RNF17: variants seen among roughly 807,000 people sequenced by gnomAD.
RNF17 encodes the protein ring finger protein 17.
RNF17 carries 31 observed loss-of-function variants against 200.5 expected under a neutral mutation model. That is an observed-to-expected ratio of 0.15 (90% confidence interval 0.12 to 0.21). RNF17 has a LOEUF of 0.21. Ranked by LOEUF, RNF17 falls within the 10% of genes least tolerant of loss-of-function variation. The pLI is 1.00. For synonymous variants in RNF17, 606 were observed against 637.8 expected, an observed-to-expected ratio of 0.95 and a Z score of 0.75; for missense variants, 1,628 against 1,905.1, an observed-to-expected ratio of 0.85 and a Z score of 2.71.
At position 24,793,214 on chromosome 13, in the gene RNF17, C is replaced by G. The variant is rs984844927; in HGVS notation, c.1108C>G (p.His370Asp). Residue 370 changes from histidine to aspartate, a missense_variant, in exon 10 of 36, where the codon CAT (histidine) becomes GAT (aspartate). This residue lies in a region of RNF17 where 502 missense variants were observed against 501.7 expected (regional missense o/e 1.00). Coordinates refer to ENST00000255324, the MANE Select transcript of RNF17 (RefSeq NM_031277.3). ...PPLQPETNDV[H>D]LEAKNFQPQK... The stretch of plus-strand genomic sequence containing the variant: ...TTTGCAACCTGAGACAAATGATGTA[C>G]ATTTAGAAGCAAAAAACTTCCAGCC... 7.4e-6 allele frequency: 12 copies of G among 1,613,934 alleles called. No individual in the cohort carries two copies. The Admixed American group carries it at 8.3e-5, about 11-fold the overall frequency.
At chr13:24,873,350 C>A (rs1319812639) in intron 32 of RNF17, among the ~76,000 whole-genome samples, 1 of 152,180 alleles carries the variant, frequency 6.6e-6, no homozygotes, top group African/African-American at 2.4e-5. Context: ...GAGAAGCCAA[C>A]ATAAGACCAA....
chr13:24,758,893 T>C, the RNF17 span, among the ~76,000 whole-genome samples: 17 of 151,930 alleles, frequency 1.1e-4, no homozygotes, highest in African/African-American at 3.6e-4. Context: ...CTGGCCAACA[T>C]CGTGAAACCC....
At chr13:24,842,558 T>G (rs1424482839) in intron 19 of RNF17, among the ~76,000 whole-genome samples, 2 of 152,192 alleles carry the variant, frequency 1.3e-5, no homozygotes, top group Non-Finnish European at 2.9e-5. Context: ...TTTCCTGGAT[T>G]CAAGTGGATA....
At chr13:24,874,323 G>A in intron 33 of RNF17, 74 bp downstream of exon 33, 2 of 1,322,524 alleles carry the variant, frequency 1.5e-6, no homozygotes, top group South Asian at 1.6e-5. Flanking sequence ...GAATATTTTT[G>A]CCTCTTTTAA....
downstream of RNF17, chr13:24,883,352 A>G (rs1566275265): frequency 1.9e-6 from 3 of 1,608,456 alleles, no homozygotes; most frequent in Non-Finnish European, 2.5e-6. Flanking sequence ...ATTAAACTCT[A>G]TGAGTTTGTT....
intron 6 of RNF17, among the ~76,000 whole-genome samples, chr13:24,786,360 A>G (rs984961830): frequency 1.3e-5 from 2 of 152,192 alleles, no homozygotes; most frequent in African/African-American, 2.4e-5. Flanking sequence ...TCTATATTGT[A>G]TACCTGTTAA....
chr13:24,793,082 A>T lies in RNF17; in HGVS notation c.976A>T (p.Lys326Ter), dbSNP rs1307732576. 1 of 1,592,018 alleles carries T rather than the reference A, an allele frequency of 6.3e-7. No individual in the cohort carries two copies. Among genetic ancestry groups the T allele is most frequent in the Non-Finnish European group, 8.5e-7 (1 of 1,171,080 alleles). ...AAATGAAATTAGACAGAATGTTCAA[A>T]AGAAATATAATAACAAAAAGGAACT... ...QENEIRQNVQ[K>*]KYNNKKELSC... Residue 326 changes from lysine (K) to a stop codon, truncating the protein, a stop_gained, in exon 10 of 36, where the codon AAG (lysine) becomes TAG (stop). Coordinates refer to ENST00000255324, the MANE Select transcript of RNF17 (RefSeq NM_031277.3). LOFTEE classifies it high-confidence loss of function.
chr13:24,782,453 C>T (rs373174971), intron 6 of RNF17, among the ~76,000 whole-genome samples: 4 of 152,158 alleles, frequency 2.6e-5, no homozygotes, highest in African/African-American at 9.6e-5. Flanking sequence ...CTGCCTCAGC[C>T]TCCTAAAGTG....
chr13:24,803,674 G>A (rs745690429), intron 14 of RNF17: 2 of 152,248 alleles, frequency 1.3e-5, no homozygotes, highest in Admixed American at 6.5e-5. Flanking sequence ...ACCCAAGCAG[G>A]TTCCATTCTA....
chr13:24,836,537 A>C (rs1257994791), intron 18 of RNF17, among the ~76,000 whole-genome samples: 1 of 152,192 alleles, frequency 6.6e-6, no homozygotes, highest in Non-Finnish European at 1.5e-5. Flanking sequence ...GCTGGAAGGG[A>C]TTGGGGGCCT....
At chr13:24,769,029 G>A (rs1298799484) in intron 2 of RNF17, among the ~76,000 whole-genome samples, 2 of 124,152 alleles carry the variant, frequency 1.6e-5, no homozygotes, top group African/African-American at 6.2e-5. Flanking sequence ...CTCCTTAGAC[G>A]TGGCTGGCTA....
chr13:24,794,278 G>A, intron 10 of RNF17: 1 of 452,964 alleles, frequency 2.2e-6, no homozygotes. Flanking sequence ...TGATGTAGTG[G>A]AGTTTACTGT....
intron 6 of RNF17, among the ~76,000 whole-genome samples, chr13:24,786,027 T>C (rs1192413627): frequency 6.6e-6 from 1 of 152,178 alleles, no homozygotes; most frequent in East Asian, 1.9e-4. Flanking sequence ...AAAATACTGA[T>C]AAGGAAGTAT....
chr13:24,807,931 G>A (rs1886092788), intron 15 of RNF17, among the ~76,000 whole-genome samples: 1 of 151,934 alleles, frequency 6.6e-6, no homozygotes, highest in African/African-American at 2.4e-5. Flanking sequence ...GTTTTTCTCA[G>A]GTTTGTCAAA....
rs375134736 is a variant in RNF17 at position 24,764,419 on chromosome 13, G to A, written c.130+86G>A. ...GTGAGCTGGTGGGCGCGTGAGGCTTGGTCAGCTGCATCCAATCCTGGTGTC... is the reference window on the plus strand; with the variant it reads ...GTGAGCTGGTGGGCGCGTGAGGCTTAGTCAGCTGCATCCAATCCTGGTGTC... On this transcript the variant is annotated intron_variant, in intron 1 of 35. Coordinates refer to ENST00000255324, the MANE Select transcript of RNF17 (RefSeq NM_031277.3). 8.6e-5 allele frequency: 125 copies of A among 1,455,534 alleles called. No individual in the cohort carries two copies. In the African/African-American group the frequency reaches 1.6e-3, roughly 18 times the overall value. The allele number at this position is 1,455,534 out of a possible 1,614,324, so 90.2% of individuals were successfully genotyped here. A position where few individuals can be genotyped will look rare whatever the true frequency, so the allele number is the denominator to read the frequency against.
At chr13:24,881,669 A>G (rs184803671), downstream of RNF17, among the ~76,000 whole-genome samples, 505 of 150,044 alleles carry the variant, frequency 3.4e-3, 3 homozygotes, top group Admixed American at 0.016. Context: ...TAACCTATAT[A>G]TATCTATCTA....
intron 15 of RNF17, among the ~76,000 whole-genome samples, chr13:24,814,813 G>T (rs1887183357): frequency 6.6e-6 from 1 of 152,114 alleles, no homozygotes; most frequent in African/African-American, 2.4e-5. Flanking sequence ...TCTTTTTCAA[G>T]ATTGTTTTGG....
intron 2 of RNF17, among the ~76,000 whole-genome samples, chr13:24,773,415 A>C (rs576128393): frequency 6.6e-6 from 1 of 152,244 alleles, no homozygotes; most frequent in South Asian, 2.1e-4. Context: ...ACATGGATGC[A>C]GCTGAAGGCC....
At chr13:24,873,465 G>A (rs1360508026) in intron 32 of RNF17, among the ~76,000 whole-genome samples, 3 of 152,082 alleles carry the variant, frequency 2.0e-5, no homozygotes, top group African/African-American at 7.2e-5. Context: ...GTATGTTTAT[G>A]GGGTACATGT....
Sources: gnomAD v4.1 joint callset for allele counts (sites outside exome capture counted in the v4.1 genomes callset) on GRCh38, gnomAD v4.1.1 for gene constraint, gnomAD v4.1.1 regional missense constraint, MANE v1.5 for transcripts, NCBI Gene and HGNC (gene_info 2026-07-23, HGNC 2026-07-21) for gene names.